PDSS2: variants seen among roughly 807,000 people sequenced by gnomAD.
PDSS2 encodes all trans-polyprenyl-diphosphate synthase PDSS2.
In PDSS2, 31 loss-of-function variants were observed where a neutral mutation model predicts 44.5. The ratio of observed to expected loss-of-function variants is 0.70; its 90% CI spans 0.52 to 0.94. PDSS2 has a LOEUF of 0.94. Among genes scored for constraint, PDSS2 ranks in the 40% least tolerant of loss-of-function variants. The probability of loss-of-function intolerance (pLI) is 0.00; values close to 1 mark genes in which losing one functional copy is unlikely to be tolerated. For missense variants in PDSS2, 452 were observed against 482.2 expected, an observed-to-expected ratio of 0.94 and a Z score of 0.59; for synonymous variants, 157 against 180.3, an observed-to-expected ratio of 0.87 and a Z score of 1.03.
At chr6:107,214,130 G>A (rs1403034835) in intron 4 of PDSS2, among the ~76,000 whole-genome samples, 1 of 148,432 alleles carries the variant, frequency 6.7e-6, no homozygotes, top group Non-Finnish European at 1.5e-5. Context: ...TTGAGATGGA[G>A]TCTCTCTGTG....
chr6:107,186,592 A>C (rs1772174411), intron 7 of PDSS2, among the ~76,000 whole-genome samples: 2 of 151,938 alleles, frequency 1.3e-5, no homozygotes, highest in Non-Finnish European at 2.9e-5. Flanking sequence ...CCCGCTCTCT[A>C]AGTTCCCTCC....
At chr6:107,372,653 C>T (rs1452522889) in intron 1 of PDSS2, among the ~76,000 whole-genome samples, 3 of 152,008 alleles carry the variant, frequency 2.0e-5, no homozygotes, top group South Asian at 2.1e-4. Context: ...AGGGTTTCAC[C>T]GTATTAGCCA....
intron 4 of PDSS2, among the ~76,000 whole-genome samples, chr6:107,235,887 A>G (rs1774207947): frequency 6.6e-6 from 1 of 152,196 alleles, no homozygotes; most frequent in Non-Finnish European, 1.5e-5. Flanking sequence ...AATGCACACC[A>G]ACTGAAATGA....
At chr6:107,350,817 A>G (rs1778409562) in intron 1 of PDSS2, among the ~76,000 whole-genome samples, 1 of 152,192 alleles carries the variant, frequency 6.6e-6, no homozygotes, top group Non-Finnish European at 1.5e-5. Flanking sequence ...TCTCAAAAAA[A>G]AAAGTAAACA....
At chr6:107,333,996 G>A (rs1777793461) in intron 2 of PDSS2, among the ~76,000 whole-genome samples, 1 of 152,196 alleles carries the variant, frequency 6.6e-6, no homozygotes, top group African/African-American at 2.4e-5. Context: ...TCACACAAAT[G>A]TGTGAAGAAA....
chr6:107,299,686 T>C lies in PDSS2; in HGVS notation c.432-25459A>G, dbSNP rs1435318334. On this transcript the variant is annotated intron_variant, in intron 2 of 7. Coordinates refer to ENST00000369037, the MANE Select transcript of PDSS2 (RefSeq NM_020381.4). ...CCGAATATATTAATGCCCCATTGTA[T>C]AGGAGTTTTTCTAAATGAAACCCCA... Among the ~76,000 whole-genome samples, 3 of 152,200 alleles carry C rather than the reference T, an allele frequency of 2.0e-5. No homozygotes were observed. The East Asian group carries it at 5.8e-4, about 29-fold the overall frequency.
At chr6:107,219,977 C>T (rs761714594) in intron 4 of PDSS2, among the ~76,000 whole-genome samples, 4 of 152,118 alleles carry the variant, frequency 2.6e-5, no homozygotes, top group East Asian at 1.9e-4. Context: ...GGATGAACTT[C>T]GAAAACATTA....
chr6:107,353,437 T>G (rs916671832), intron 1 of PDSS2, among the ~76,000 whole-genome samples: 6 of 152,214 alleles, frequency 3.9e-5, no homozygotes, highest in Non-Finnish European at 5.9e-5. Flanking sequence ...CCATTCTATT[T>G]AAAGCTTAAA....
intron 6 of PDSS2, among the ~76,000 whole-genome samples, chr6:107,204,533 T>C (rs1437708258): frequency 6.6e-6 from 1 of 152,224 alleles, no homozygotes; most frequent in Admixed American, 6.5e-5. Context: ...TCCACCCAAA[T>C]TAAGACACTT....
chr6:107,187,705 T>G (rs954361023), intron 7 of PDSS2, among the ~76,000 whole-genome samples: 1 of 151,824 alleles, frequency 6.6e-6, no homozygotes, highest in Non-Finnish European at 1.5e-5. Context: ...AATTTGAGTC[T>G]ACGGTCCTCG....
rs751551575 is a variant in PDSS2 at position 107,281,895 on chromosome 6, A to AATTT, written c.432-7672_432-7669dup. On this transcript the variant is annotated intron_variant, in intron 2 of 7. Transcript: ENST00000369037. ...TTAAATGAACAACTCTTTACTTAGC[A>AATTT]ATTTATTTATTTATTTATTTATTTT... 1.3e-4 allele frequency among the ~76,000 whole-genome samples: 20 copies of AATTT among 151,982 alleles called. No individual in the cohort carries two copies. In the South Asian group the frequency reaches 2.1e-3, roughly 16 times the overall value.
At chr6:107,329,019 C>T (rs1777633911) in intron 2 of PDSS2, among the ~76,000 whole-genome samples, 1 of 152,204 alleles carries the variant, frequency 6.6e-6, no homozygotes. Flanking sequence ...CTCTGCTTTC[C>T]CTCTCAGCTT....
chr6:107,167,393 T>C (rs369331547), intron 7 of PDSS2, among the ~76,000 whole-genome samples: 3 of 152,122 alleles, frequency 2.0e-5, no homozygotes, highest in East Asian at 1.9e-4. Context: ...GTCTTGCTAG[T>C]GGTCTATCAA....
chr6:107,429,174 T>C (rs1233291883), intron 1 of PDSS2, among the ~76,000 whole-genome samples: 1 of 152,076 alleles, frequency 6.6e-6, no homozygotes, highest in Non-Finnish European at 1.5e-5. Flanking sequence ...TCGAGTCCTA[T>C]AAAGGTTACG....
At chr6:107,451,352 G>C (rs1327954039) in intron 1 of PDSS2, among the ~76,000 whole-genome samples, 1 of 152,098 alleles carries the variant, frequency 6.6e-6, no homozygotes, top group Non-Finnish European at 1.5e-5. Context: ...ATGTAAAAGA[G>C]TCTTGGAAGA....
intron 4 of PDSS2, among the ~76,000 whole-genome samples, chr6:107,224,530 C>T (rs1373839649): frequency 1.3e-5 from 2 of 151,356 alleles, no homozygotes; most frequent in East Asian, 1.9e-4. Context: ...GAGAGGGCTT[C>T]AATAGTGCTG....
chr6:107,214,638 C>T (rs1458608538), intron 4 of PDSS2, among the ~76,000 whole-genome samples: 1 of 152,136 alleles, frequency 6.6e-6, no homozygotes, highest in Non-Finnish European at 1.5e-5. Flanking sequence ...ATAATCCTTT[C>T]TCTTTTCACA....
At chr6:107,284,098 A>G (rs1371467409) in intron 2 of PDSS2, among the ~76,000 whole-genome samples, 2 of 151,936 alleles carry the variant, frequency 1.3e-5, no homozygotes, top group African/African-American at 4.8e-5. Context: ...GTGTTTCGCT[A>G]TACGGACAAG....
chr6:107,440,301 T>A lies in PDSS2; in HGVS notation c.296+18689A>T, dbSNP rs563308748. Among the ~76,000 whole-genome samples, 9 of 152,346 alleles carry A rather than the reference T, an allele frequency of 5.9e-5. No individual in the cohort carries two copies. The South Asian group carries it at 1.9e-3, about 32-fold the overall frequency. On this transcript the variant is annotated intron_variant, in intron 1 of 7. Coordinates refer to ENST00000369037, the MANE Select transcript of PDSS2 (RefSeq NM_020381.4). ...GACTTACCTGTGTGCCAGTGTGATA[T>A]TCCACTTAGTGCCACTGATGAATAA...
Sources: gnomAD v4.1 joint callset for allele counts (sites outside exome capture counted in the v4.1 genomes callset) on GRCh38, gnomAD v4.1.1 for gene constraint, MANE v1.5 for transcripts, NCBI Gene and HGNC (gene_info 2026-07-23, HGNC 2026-07-21) for gene names.